Variants in LIN28B observed in about 807,000 individuals in gnomAD.
LIN28B encodes the protein protein lin-28 homolog B.
LIN28B carries 5 observed loss-of-function variants against 21.9 expected under a neutral mutation model. That is an observed-to-expected ratio of 0.23 (90% CI 0.12 to 0.48). The LOEUF is 0.48. Ranked by LOEUF, LIN28B falls within the 20% of genes least tolerant of loss-of-function variation. The pLI is 0.98. For missense variants in LIN28B, 245 were observed against 310.5 expected (o/e 0.79, Z 1.58); for synonymous variants, 109 against 111.3 (o/e 0.98, Z 0.13).
At chr6:105,030,588 CT>C (rs1171737582) in intron 3 of LIN28B, among the ~76,000 whole-genome samples, 7 of 134,480 alleles carry the variant, frequency 5.2e-5, no homozygotes, top group African/African-American at 1.9e-4. Context: ...TTCTTTCTTT[CT>C]TTCTTTTTTT....
At chr6:104,943,546 A>G (rs1408720255) in intron 2 of LIN28B, among the ~76,000 whole-genome samples, 1 of 152,164 alleles carries the variant, frequency 6.6e-6, no homozygotes, top group Non-Finnish European at 1.5e-5. Context: ...AAAATGAAAC[A>G]TGGGCATACA....
chr6:105,006,945 A>G (rs556608891), intron 2 of LIN28B, among the ~76,000 whole-genome samples: 2 of 152,354 alleles, frequency 1.3e-5, no homozygotes, highest in Non-Finnish European at 2.9e-5. Flanking sequence ...TTTTGTCCGG[A>G]AGACAAGGGT....
In LIN28B at chr6:104,995,696, C is replaced by T. The variant is rs73771045; in HGVS notation, c.199-30602C>T. On this transcript the variant is annotated intron_variant, in intron 2 of 3. Transcript: ENST00000345080. ...ATAGAAAGATATAAATGTTTAGATCCACAAGAAGCATATCTTCTGTTTCGG... is the reference window on the plus strand; with the variant it reads ...ATAGAAAGATATAAATGTTTAGATCTACAAGAAGCATATCTTCTGTTTCGG... Among the ~76,000 whole-genome samples, 622 of 152,048 alleles carry T rather than the reference C, an allele frequency of 4.1e-3. 2 individuals are homozygous for T. The highest frequency in any genetic ancestry group is 0.015 in the African/African-American group (612 of 41,464).
At position 104,972,002 on chromosome 6, in the gene LIN28B, G is replaced by T. The variant is rs149078297; in HGVS notation, c.198+13716G>T. On this transcript the variant is annotated intron_variant, in intron 2 of 3. Transcript: ENST00000345080. ...ATTTATTTATTTGAGATAGGGTCTTGCTCTGTCTCCCAGGCTGTAGTGCAG... is the reference window on the plus strand; with the variant it reads ...ATTTATTTATTTGAGATAGGGTCTTTCTCTGTCTCCCAGGCTGTAGTGCAG... Among the ~76,000 whole-genome samples the T allele has an allele frequency of 8.6e-4, 130 of 151,588 alleles. 1 individual carries two copies. Among genetic ancestry groups the T allele is most frequent in the African/African-American group, 2.9e-3 (120 of 41,496 alleles).
At chr6:105,078,279 A>G (rs1021629112) in intron 3 of LIN28B, 135 bp from the exon 4 acceptor site, 1 of 818,450 alleles carries the variant, frequency 1.2e-6, no homozygotes, top group African/African-American at 1.7e-5. Flanking sequence ...CAGTATAAAC[A>G]ATGATAAATG....
rs376583208 is a variant in LIN28B, at chr6:104,999,868, C to T, written c.199-26430C>T. Among the ~76,000 whole-genome samples, 643 of 152,040 alleles carry T rather than the reference C, an allele frequency of 4.2e-3. 4 individuals carry two copies. The highest frequency in any genetic ancestry group is 0.037 in the Middle Eastern group (11 of 294). ...GCAAATTTTGTGTTTTTATTAGAGA[C>T]GGGGTTTCTCCATGTTGGTCAAGCA... On this transcript the variant is annotated intron_variant, in intron 2 of 3. Coordinates refer to ENST00000345080, the MANE Select transcript of LIN28B (RefSeq NM_001004317.4).
intron 2 of LIN28B, among the ~76,000 whole-genome samples, chr6:104,992,740 G>T (rs1770517960): frequency 6.6e-6 from 1 of 151,580 alleles, no homozygotes; most frequent in Non-Finnish European, 1.5e-5. Context: ...GAACTCCTGT[G>T]CTCAAGTGGT....
At chr6:105,026,949 T>G (rs148118067) in intron 3 of LIN28B, among the ~76,000 whole-genome samples, 4 of 152,280 alleles carry the variant, frequency 2.6e-5, no homozygotes, top group African/African-American at 9.6e-5. Context: ...TATATGGTAT[T>G]TTGAAACTTG....
At position 105,059,139 on chromosome 6, in the gene LIN28B, T is replaced by C. The variant is rs568525638; in HGVS notation, c.384-19275T>C. ...TGCTAAATCCAGCAGTCTATTTTAA[T>C]ACCTCATCTTGTTTGATCTATTAGC... On this transcript the variant is annotated intron_variant, in intron 3 of 3. Coordinates refer to ENST00000345080, the MANE Select transcript of LIN28B (RefSeq NM_001004317.4). Among the ~76,000 whole-genome samples, 43 of 152,324 alleles carry C rather than the reference T, an allele frequency of 2.8e-4. No homozygotes were observed. In the South Asian group the frequency reaches 8.7e-3, roughly 31 times the overall value.
chr6:105,083,246 C>T lies in LIN28B; in HGVS notation c.*4463C>T, dbSNP rs1772571574. The T allele has an allele frequency of 6.6e-6, 1 of 152,372 alleles. No homozygotes were observed. The highest frequency in any genetic ancestry group is 2.1e-4 in the South Asian group (1 of 4,820). 9.4% of individuals were successfully genotyped at this position (152,372 alleles called of 1,614,324 possible). The stretch of plus-strand genomic sequence containing the variant: ...CTGGGTTTTATATTCTCATTTCATG[C>T]CTAATGTCTTATTCTGTCAATTATG... On this transcript the variant is annotated 3_prime_UTR_variant, in exon 4 of 4. Coordinates refer to ENST00000345080, the MANE Select transcript of LIN28B (RefSeq NM_001004317.4).
chr6:105,029,068 C>T (rs1043104966), intron 3 of LIN28B, among the ~76,000 whole-genome samples: 1 of 152,124 alleles, frequency 6.6e-6, no homozygotes, highest in Non-Finnish European at 1.5e-5. Context: ...CTTAGCAACA[C>T]GGAAGTCATT....
Position 105,079,479 on chromosome 6 carries a change from A to G in LIN28B, c.*696A>G, listed in dbSNP as rs1772498456. On this transcript the variant is annotated 3_prime_UTR_variant, in exon 4 of 4. Coordinates refer to ENST00000345080, the MANE Select transcript of LIN28B (RefSeq NM_001004317.4). ...TAAGCTTTTTTGATTCTGGGATAAC[A>G]TAACTCCAGAAAAGACAATGAATGT... The G allele has an allele frequency of 6.6e-6, 1 of 152,618 alleles. No homozygotes were observed. Among genetic ancestry groups the G allele is most frequent in the Admixed American group, 6.5e-5 (1 of 15,280 alleles). The allele number at this position is 152,618 out of a possible 1,614,324, so 9.5% of individuals were successfully genotyped here. A position where few individuals can be genotyped will look rare whatever the true frequency, so the allele number is the denominator to read the frequency against.
chr6:105,030,653 A>T (rs556300697), intron 3 of LIN28B, among the ~76,000 whole-genome samples: 21 of 141,336 alleles, frequency 1.5e-4, no homozygotes, highest in African/African-American at 5.6e-4. Context: ...CTGGAGTGCA[A>T]TGGCCTGATC....
chr6:104,962,665 A>C (rs1313942887), intron 2 of LIN28B, among the ~76,000 whole-genome samples: 3 of 152,192 alleles, frequency 2.0e-5, no homozygotes, highest in Non-Finnish European at 4.4e-5. Context: ...TATTTAATTA[A>C]TTATACAATG....
chr6:105,000,332 G>T (rs1373710761), intron 2 of LIN28B, among the ~76,000 whole-genome samples: 1 of 152,090 alleles, frequency 6.6e-6, no homozygotes, highest in East Asian at 1.9e-4. Context: ...TAACAGAGTG[G>T]TAAAAAAATA....
intron 3 of LIN28B, among the ~76,000 whole-genome samples, chr6:105,057,554 A>G (rs970252298): frequency 3.9e-5 from 6 of 152,196 alleles, no homozygotes; most frequent in Non-Finnish European, 8.8e-5. Flanking sequence ...ATTACTCAGT[A>G]TAATTTTTAT....
At position 105,080,165 on chromosome 6, in the gene LIN28B, A is replaced by C. The variant is rs1250471870; in HGVS notation, c.*1382A>C. 6.6e-6 allele frequency: 1 copy of C among 152,548 alleles called. No individual in the cohort carries two copies. The highest frequency in any genetic ancestry group is 1.9e-4 in the East Asian group (1 of 5,198). 9.4% of individuals were successfully genotyped at this position (152,548 alleles called of 1,614,324 possible). A position where few individuals can be genotyped will look rare whatever the true frequency, so the allele number is the denominator to read the frequency against. ...TTCTCGTTAGAGTGATAAACTGGCT[A>C]GGGGCCATAGTATTGGTCCTGTTAG... On this transcript the variant is annotated 3_prime_UTR_variant, in exon 4 of 4. Coordinates refer to ENST00000345080, the MANE Select transcript of LIN28B (RefSeq NM_001004317.4).
At chr6:104,957,038 G>C (rs1023956494), upstream of LIN28B, 3 of 1,414,598 alleles carry the variant, frequency 2.1e-6, no homozygotes, top group African/African-American at 4.4e-5. Context: ...TTAGTAGCAA[G>C]AAAGCATGTA....
At chr6:105,012,316 A>T (rs1770940904) in intron 2 of LIN28B, among the ~76,000 whole-genome samples, 2 of 151,718 alleles carry the variant, frequency 1.3e-5, no homozygotes, top group Admixed American at 1.3e-4. Flanking sequence ...AAAAAATACG[A>T]AAATTAGCTG....
Sources: gnomAD v4.1 joint callset for allele counts (sites outside exome capture counted in the v4.1 genomes callset) on GRCh38, gnomAD v4.1.1 for gene constraint, MANE v1.5 for transcripts, NCBI Gene and HGNC (gene_info 2026-07-23, HGNC 2026-07-21) for gene names.